Variants in EPHA6 observed in about 807,000 individuals in gnomAD.
The protein encoded by EPHA6 is ephrin type-A receptor 6.
In EPHA6, 50 loss-of-function variants were observed where a neutral mutation model predicts 112.0. The observed-to-expected ratio is 0.45, with a 90% CI of 0.36 to 0.56. EPHA6 has a LOEUF of 0.56. Ranked by LOEUF, EPHA6 falls within the 20% of genes least tolerant of loss-of-function variation. EPHA6 has a pLI of 0.00. For synonymous variants in EPHA6, 529 were observed against 490.7 expected, an observed-to-expected ratio of 1.08 and a Z score of -1.03; for missense variants, 1,280 against 1,417.4, an observed-to-expected ratio of 0.90 and a Z score of 1.56.
chr3:96,871,817 TAA>T (rs2107474269), intron 2 of EPHA6, among the ~76,000 whole-genome samples: 1 of 152,196 alleles, frequency 6.6e-6, no homozygotes, highest in Admixed American at 6.5e-5. Flanking sequence ...TATATTTTAT[TAA>T]GTTAGCTTCA....
chr3:97,010,650 T>A lies in EPHA6; in HGVS notation c.1114+22657T>A, dbSNP rs183289681. On this transcript the variant is annotated intron_variant, in intron 3 of 17. Coordinates refer to ENST00000389672, the MANE Select transcript of EPHA6 (RefSeq NM_001080448.3). ...CAGTCATTTATCTTATTTAAAAAAA[T>A]TATTTTTATTTATTTATTTATTTAT... 1.3e-3 allele frequency among the ~76,000 whole-genome samples: 204 copies of A among 152,084 alleles called. 1 individual carries two copies. Among genetic ancestry groups the A allele is most frequent in the African/African-American group, 4.6e-3 (191 of 41,518 alleles).
At position 96,865,831 on chromosome 3, in the gene EPHA6, GGTA is replaced by G. The variant is rs2036278908; in HGVS notation, c.386-988_386-986del. 1.1e-4 allele frequency among the ~76,000 whole-genome samples: 17 copies of G among 152,012 alleles called. No homozygotes were observed. The South Asian group carries it at 3.3e-3, about 30-fold the overall frequency. On this transcript the variant is annotated intron_variant, in intron 1 of 17. Coordinates refer to ENST00000389672, the MANE Select transcript of EPHA6 (RefSeq NM_001080448.3). ...CCTACTGACATCTGGAGGCCTAGGA[GGTA>G]GTAGTTAAAAATAAATATCTGCTGA...
chr3:97,578,247 G>A (rs140777925), intron 11 of EPHA6, among the ~76,000 whole-genome samples: 1 of 152,028 alleles, frequency 6.6e-6, no homozygotes, highest in Non-Finnish European at 1.5e-5. Flanking sequence ...TCAACAGCTA[G>A]TAGGATAGCT....
At chr3:97,326,726 C>G (rs1361644495) in intron 5 of EPHA6, among the ~76,000 whole-genome samples, 1 of 151,968 alleles carries the variant, frequency 6.6e-6, no homozygotes, top group African/African-American at 2.4e-5. Context: ...AAAACCTTCC[C>G]CACTGCAAAG....
intron 3 of EPHA6, among the ~76,000 whole-genome samples, chr3:97,220,736 C>G (rs1006966660): frequency 3.3e-5 from 5 of 152,130 alleles, no homozygotes; most frequent in African/African-American, 1.2e-4. Flanking sequence ...GATTATAATT[C>G]AAGATGAGAT....
chr3:97,123,320 G>A (rs756497239), intron 3 of EPHA6, among the ~76,000 whole-genome samples: 38 of 152,152 alleles, frequency 2.5e-4, no homozygotes, highest in Middle Eastern at 6.8e-3. Flanking sequence ...GTATACGATA[G>A]CCTAGTTTCT....
At chr3:97,610,595 C>T (rs1296623202) in intron 12 of EPHA6, among the ~76,000 whole-genome samples, 198 bp from the exon 13 acceptor site, 1 of 151,576 alleles carries the variant, frequency 6.6e-6, no homozygotes, top group Non-Finnish European at 1.5e-5. Context: ...CTTTTATGAA[C>T]TCAAAAGGAA....
intron 12 of EPHA6, among the ~76,000 whole-genome samples, chr3:97,608,013 T>G (rs1222113201): frequency 3.3e-5 from 5 of 151,024 alleles, no homozygotes; most frequent in African/African-American, 1.2e-4. Context: ...GTAAAGTTGC[T>G]TATAATCTTC....
intron 12 of EPHA6, among the ~76,000 whole-genome samples, chr3:97,598,311 T>A (rs930388006): frequency 2.0e-5 from 3 of 151,368 alleles, no homozygotes; most frequent in Non-Finnish European, 4.4e-5. Context: ...CATGTGCACA[T>A]TGTGCAGGTT....
intron 3 of EPHA6, among the ~76,000 whole-genome samples, chr3:97,124,978 C>G (rs1314182729): frequency 6.6e-6 from 1 of 152,090 alleles, no homozygotes; most frequent in Non-Finnish European, 1.5e-5. Context: ...TTTAAGGCCT[C>G]ACAAATTTTA....
At chr3:97,236,679 G>C (rs896305428) in intron 4 of EPHA6, among the ~76,000 whole-genome samples, 1 of 152,006 alleles carries the variant, frequency 6.6e-6, no homozygotes, top group African/African-American at 2.4e-5. Flanking sequence ...TCAAGTCTTT[G>C]TGTTTGATAT....
At chr3:97,473,278 T>C (rs2091279121) in intron 7 of EPHA6, among the ~76,000 whole-genome samples, 1 of 151,780 alleles carries the variant, frequency 6.6e-6, no homozygotes, top group South Asian at 2.1e-4. Flanking sequence ...AAGAAACAAT[T>C]ATGCAGGAAT....
chr3:97,686,368 A>G (rs1417754790), intron 14 of EPHA6, among the ~76,000 whole-genome samples: 2 of 152,074 alleles, frequency 1.3e-5, no homozygotes, highest in South Asian at 2.1e-4. Flanking sequence ...ACAAAAATTT[A>G]TTGCATTCCT....
intron 1 of EPHA6, among the ~76,000 whole-genome samples, chr3:96,836,488 G>A (rs2034422870): frequency 6.6e-6 from 1 of 152,102 alleles, no homozygotes; most frequent in Non-Finnish European, 1.5e-5. Context: ...AAAACGTTTT[G>A]AAAATTGTGA....
chr3:97,004,315 G>T (rs2043794464), intron 3 of EPHA6, among the ~76,000 whole-genome samples: 1 of 152,100 alleles, frequency 6.6e-6, no homozygotes, highest in Non-Finnish European at 1.5e-5. Flanking sequence ...ATTGTTTCTT[G>T]ACTTTTTAAT....
rs899372220 is a variant in EPHA6 at position 97,231,881 on chromosome 3, A to G, written c.1270+5462A>G. On this transcript the variant is annotated intron_variant, in intron 4 of 17. Transcript: ENST00000389672. ...GTTAATTTTTGCTGGTTGTTTGACA[A>G]GACTCCTAGGGAAGGGCTTTTAAGA... Among the ~76,000 whole-genome samples the G allele has an allele frequency of 3.9e-5, 6 of 152,156 alleles. No individual in the cohort carries two copies. The East Asian group carries it at 1.2e-3, about 29-fold the overall frequency.
At chr3:97,318,361 T>A (rs2081944201) in intron 5 of EPHA6, among the ~76,000 whole-genome samples, 1 of 151,956 alleles carries the variant, frequency 6.6e-6, no homozygotes, top group South Asian at 2.1e-4. Flanking sequence ...AGCTAAATAT[T>A]CTCCTAATGT....
intron 3 of EPHA6, among the ~76,000 whole-genome samples, chr3:97,047,499 C>CAAAAAAAAAAAAAAAAAAAAAAAAAA (rs556388538): frequency 2.2e-5 from 1 of 46,452 alleles, no homozygotes; most frequent in Non-Finnish European, 4.8e-5. Context: ...GACTCTGTCT[C>CAAAAAAAAAAAAAAAAAAAAAAAAAA]AAAAAAAAAA....
chr3:97,173,543 G>C (rs1377203596), intron 3 of EPHA6, among the ~76,000 whole-genome samples: 1 of 151,654 alleles, frequency 6.6e-6, no homozygotes, highest in Non-Finnish European at 1.5e-5. Flanking sequence ...CTATGTGTCA[G>C]GAAACAGAAC....
Sources: gnomAD v4.1 joint callset for allele counts (sites outside exome capture counted in the v4.1 genomes callset) on GRCh38, gnomAD v4.1.1 for gene constraint, MANE v1.5 for transcripts, NCBI Gene and HGNC (gene_info 2026-07-23, HGNC 2026-07-21) for gene names.